The following ATP11A variants were observed in gnomAD, a reference collection of about 807,000 sequenced individuals.
The protein encoded by ATP11A is phospholipid-transporting ATPase IH.
Under a neutral mutation model 154.4 loss-of-function variants are expected in ATP11A, and 81 were observed. The ratio of observed to expected loss-of-function variants is 0.52; its 90% CI spans 0.44 to 0.63. The LOEUF (loss-of-function observed/expected upper bound fraction) is 0.63. Ranked by LOEUF, ATP11A falls within the 30% of genes least tolerant of loss-of-function variation. The pLI is 0.00. For synonymous variants in ATP11A, 623 were observed against 585.9 expected (o/e 1.06, Z -0.91); for missense variants, 1,316 against 1,474.3 (o/e 0.89, Z 1.76).
intron 1 of ATP11A, among the ~76,000 whole-genome samples, chr13:112,702,417 C>A (rs1266612975): frequency 1.3e-5 from 2 of 152,048 alleles, no homozygotes; most frequent in East Asian, 3.9e-4. Context: ...CCCCGCCCCG[C>A]CCCCCGCGTG....
intron 1 of ATP11A, among the ~76,000 whole-genome samples, chr13:112,749,191 A>G (rs1170605874): frequency 6.6e-6 from 1 of 152,212 alleles, no homozygotes; most frequent in African/African-American, 2.4e-5. Context: ...CGCACAGTGC[A>G]GCCGGTCTAG....
intron 28 of ATP11A, among the ~76,000 whole-genome samples, chr13:112,877,956 C>T (rs2080778479): frequency 6.6e-6 from 1 of 151,872 alleles, no homozygotes; most frequent in South Asian, 2.1e-4. Context: ...CCCGGGAATG[C>T]TTATGAACAG....
chr13:112,700,787 G>A (rs934068412), intron 1 of ATP11A, among the ~76,000 whole-genome samples: 11 of 152,334 alleles, frequency 7.2e-5, no homozygotes, highest in Middle Eastern at 6.8e-3. Context: ...CATGTGCCCC[G>A]TTCTGCTTGT....
At chr13:112,817,309 G>A (rs1444177443) in intron 6 of ATP11A, among the ~76,000 whole-genome samples, 1 of 152,196 alleles carries the variant, frequency 6.6e-6, no homozygotes, top group Admixed American at 6.5e-5. Context: ...CAAAATCACT[G>A]AAGGATATGC....
Position 112,884,162 on chromosome 13 carries a change from C to G in ATP11A, c.*2296C>G, listed in dbSNP as rs1203176268. On this transcript the variant is annotated 3_prime_UTR_variant, in exon 30 of 30. Coordinates refer to ENST00000375645, the MANE Select transcript of ATP11A (RefSeq NM_015205.3). ...GATTTGATTTTATTCTCTACACACACCTCTTCTTTTCTTGGTATTTCTGGT... is the reference window on the plus strand; with the variant it reads ...GATTTGATTTTATTCTCTACACACAGCTCTTCTTTTCTTGGTATTTCTGGT... 1.3e-5 allele frequency: 2 copies of G among 152,554 alleles called. No homozygotes were observed. Among genetic ancestry groups the G allele is most frequent in the African/African-American group, 4.8e-5 (2 of 41,410 alleles). 9.5% of individuals were successfully genotyped at this position (152,554 alleles called of 1,614,324 possible). A position where few individuals can be genotyped will look rare whatever the true frequency, so the allele number is the denominator to read the frequency against.
intron 1 of ATP11A, among the ~76,000 whole-genome samples, chr13:112,759,927 CAACAGAA>C (rs1385002891): frequency 6.6e-6 from 1 of 152,100 alleles, no homozygotes; most frequent in East Asian, 1.9e-4. Context: ...AAAGTGCATG[CAACAGAA>C]AGCACCACCT....
At chr13:112,694,537 C>T (rs1885566794) in intron 1 of ATP11A, among the ~76,000 whole-genome samples, 1 of 152,194 alleles carries the variant, frequency 6.6e-6, no homozygotes, top group African/African-American at 2.4e-5. Flanking sequence ...CTCTGTAAGG[C>T]TGAGCATCCC....
intron 1 of ATP11A, among the ~76,000 whole-genome samples, chr13:112,779,445 C>T (rs904741720): frequency 3.9e-5 from 6 of 152,058 alleles, no homozygotes; most frequent in African/African-American, 7.3e-5. Flanking sequence ...GAGGAGTAGC[C>T]GCTGTGCTTC....
rs139432823 is a variant in ATP11A, at chr13:112,694,419, C to T, written c.39+3964C>T. 5.5e-4 allele frequency among the ~76,000 whole-genome samples: 83 copies of T among 152,272 alleles called. 2 individuals carry two copies. Among genetic ancestry groups the T allele is most frequent in the Non-Finnish European group, 2.6e-4 (18 of 68,014 alleles). On this transcript the variant is annotated intron_variant, in intron 1 of 29. Coordinates refer to ENST00000375645, the MANE Select transcript of ATP11A (RefSeq NM_015205.3). ...CTACCTGTGGGTCCCGGCCTGCTGGCGTCGTGGGTCACAGGAGAGGTAAAC... is the reference window on the plus strand; with the variant it reads ...CTACCTGTGGGTCCCGGCCTGCTGGTGTCGTGGGTCACAGGAGAGGTAAAC...
Position 112,823,217 on chromosome 13 carries a change from G to A in ATP11A, c.726-128G>A, listed in dbSNP as rs559441237. 4.1e-5 allele frequency: 30 copies of A among 724,540 alleles called. 1 individual carries two copies. The highest frequency in any genetic ancestry group is 2.5e-4 in the African/African-American group (14 of 57,134). 44.9% of individuals were successfully genotyped at this position (724,540 alleles called of 1,614,324 possible). ...ATCATCTGAATATAAGCAAACCTCCGTGTATGCCATCTCCTCTGAAAATGA... is the reference window on the plus strand; with the variant it reads ...ATCATCTGAATATAAGCAAACCTCCATGTATGCCATCTCCTCTGAAAATGA... On this transcript the variant is annotated intron_variant, in intron 8 of 29. Transcript: ENST00000375645.
At chr13:112,854,046 G>A (rs1489463846) in intron 18 of ATP11A, among the ~76,000 whole-genome samples, 1 of 152,146 alleles carries the variant, frequency 6.6e-6, no homozygotes, top group African/African-American at 2.4e-5. Flanking sequence ...TCACATGTTT[G>A]ATCCATGTTT....
intron 13 of ATP11A, among the ~76,000 whole-genome samples, chr13:112,832,049 C>T (rs1304517456): frequency 6.6e-6 from 1 of 151,796 alleles, no homozygotes; most frequent in African/African-American, 2.4e-5. Context: ...CTCCCTGACA[C>T]TGTGTGCACA....
chr13:112,861,801 G>C (rs1287179419), intron 24 of ATP11A, among the ~76,000 whole-genome samples: 1 of 152,076 alleles, frequency 6.6e-6, no homozygotes, highest in Non-Finnish European at 1.5e-5. Flanking sequence ...GAAAATGGGA[G>C]AAGATATACT....
Position 112,847,542 on chromosome 13 carries a change from C to G in ATP11A, c.1810-3495C>G, listed in dbSNP as rs2079644340. 2.0e-5 allele frequency among the ~76,000 whole-genome samples: 3 copies of G among 152,260 alleles called. 1 individual carries two copies. Among genetic ancestry groups the G allele is most frequent in the African/African-American group, 7.2e-5 (3 of 41,474 alleles). The stretch of plus-strand genomic sequence containing the variant: ...CCTCTCCCACTGAGTGATACTGACA[C>G]TCTTGCTGAAAAGCATTTGATTACG... On this transcript the variant is annotated intron_variant, in intron 17 of 29. Coordinates refer to ENST00000375645, the MANE Select transcript of ATP11A (RefSeq NM_015205.3).
chr13:112,856,344 C>T (rs1441387377), intron 20 of ATP11A: 7 of 235,934 alleles, frequency 3.0e-5, no homozygotes, highest in South Asian at 2.7e-4. Context: ...TGGCTGACTT[C>T]TGTTAAAAAA....
chr13:112,858,494 C>A, intron 22 of ATP11A: 1 of 506,578 alleles, frequency 2.0e-6, no homozygotes, highest in Non-Finnish European at 3.4e-6. Flanking sequence ...TACCTACAGT[C>A]AACCCATGCC....
At chr13:112,839,103 C>T (rs967272943) in intron 16 of ATP11A, among the ~76,000 whole-genome samples, 7 of 152,188 alleles carry the variant, frequency 4.6e-5, no homozygotes, top group East Asian at 1.9e-4. Flanking sequence ...GGATTCTCCA[C>T]GGTGGAATTT....
At chr13:112,751,928 C>T (rs1421159143) in intron 1 of ATP11A, among the ~76,000 whole-genome samples, 2 of 152,132 alleles carry the variant, frequency 1.3e-5, no homozygotes, top group East Asian at 1.9e-4. Flanking sequence ...TACACACATG[C>T]GTGTGTGTAA....
intron 17 of ATP11A, among the ~76,000 whole-genome samples, chr13:112,847,458 T>A (rs1033957114): frequency 1.3e-5 from 2 of 152,258 alleles, no homozygotes; most frequent in African/African-American, 2.4e-5. Flanking sequence ...GTGAGGGTCC[T>A]ACTTTATTTC....
Sources: gnomAD v4.1 joint callset for allele counts (sites outside exome capture counted in the v4.1 genomes callset) on GRCh38, gnomAD v4.1.1 for gene constraint, MANE v1.5 for transcripts, NCBI Gene and HGNC (gene_info 2026-07-23, HGNC 2026-07-21) for gene names.